Variants in FRMPD2 observed in about 807,000 individuals in gnomAD.
FRMPD2 encodes the protein FERM and PDZ domain containing 2.
In FRMPD2, 96 loss-of-function variants were observed where a neutral mutation model predicts 140.1. That is an observed-to-expected ratio of 0.69 (90% CI 0.58 to 0.81). The LOEUF (loss-of-function observed/expected upper bound fraction) is 0.81, where lower values mean the gene tolerates loss of function less well. Ranked by LOEUF, FRMPD2 falls within the 40% of genes least tolerant of loss-of-function variation. The pLI, the probability that FRMPD2 is intolerant of heterozygous loss-of-function variation, is 0.00. For synonymous variants in FRMPD2, 449 were observed against 547.6 expected (o/e 0.82, Z 2.52); for missense variants, 1,240 against 1,447.4 (o/e 0.86, Z 2.32).
chr10:48,251,783 T>C, intron 1 of FRMPD2, 92 bp from the exon 2 acceptor site: 1 of 1,470,850 alleles, frequency 6.8e-7, no homozygotes, highest in Non-Finnish European at 9.4e-7. Context: ...CCAGGCATGG[T>C]CTGGCCACTA....
At chr10:48,210,619 C>T (rs556206529) in intron 13 of FRMPD2, among the ~76,000 whole-genome samples, 2 of 152,326 alleles carry the variant, frequency 1.3e-5, no homozygotes, top group African/African-American at 4.8e-5. Flanking sequence ...CCCCACTGGT[C>T]CCTCATCAAG....
At chr10:48,238,998 C>G (rs1236849934) in intron 7 of FRMPD2, among the ~76,000 whole-genome samples, 1 of 152,028 alleles carries the variant, frequency 6.6e-6, no homozygotes, top group African/African-American at 2.4e-5. Context: ...TCCTCTTTCT[C>G]TCTGTCTCTC....
chr10:48,184,766 A>AG lies in FRMPD2; in HGVS notation c.2467+7dup. On this transcript the variant is annotated splice_region_variant and intron_variant, in intron 19 of 28. Transcript: ENST00000374201. ...AAACAGCATCTCTAGTAATTTAAAA[A>AG]GATGTACCTGGTTTGATCGTTTTTG... 3 of 1,606,890 alleles carry AG rather than the reference A, an allele frequency of 1.9e-6. No individual in the cohort carries two copies. The highest frequency in any genetic ancestry group is 2.6e-6 in the Non-Finnish European group (3 of 1,175,202).
chr10:48,271,847 C>T (rs919845834), intron 1 of FRMPD2, among the ~76,000 whole-genome samples: 6 of 152,196 alleles, frequency 3.9e-5, no homozygotes, highest in Non-Finnish European at 1.5e-5. Flanking sequence ...TGGATTGATC[C>T]CACCTCACCG....
chr10:48,212,536 C>T (rs1839353071), intron 12 of FRMPD2, among the ~76,000 whole-genome samples: 1 of 151,906 alleles, frequency 6.6e-6, no homozygotes, highest in Admixed American at 6.6e-5. Flanking sequence ...CACACCTTAC[C>T]AAAAGGCATA....
intron 13 of FRMPD2, among the ~76,000 whole-genome samples, chr10:48,211,413 C>T (rs1839320594): frequency 6.6e-6 from 1 of 152,218 alleles, no homozygotes; most frequent in African/African-American, 2.4e-5. Flanking sequence ...AAGCGCTGAT[C>T]TTGTACTTCT....
rs1235444545 is a variant in FRMPD2, at chr10:48,223,123, T to C, written c.1316A>G (p.Gln439Arg). 1 of 1,612,652 alleles carries C rather than the reference T, an allele frequency of 6.2e-7. No homozygotes were observed. The highest frequency in any genetic ancestry group is 8.5e-7 in the Non-Finnish European group (1 of 1,179,038). Reference sequence around the variant, plus strand: ...AAATGAACAGGTTTGCAGCACTCACTGGAGCAGCCCATAGTGGCTGACAAA... The same window carrying C: ...AAATGAACAGGTTTGCAGCACTCACCGGAGCAGCCCATAGTGGCTGACAAA... ...KFFVSHYGLLQHSLTRHQFYL... is the reference protein window; with the variant it reads ...KFFVSHYGLLRHSLTRHQFYL... Residue 439 changes from glutamine (Q) to arginine (R), a missense_variant and splice_region_variant, in exon 11 of 29, where the codon CAG becomes CGG. Coordinates refer to ENST00000374201, the MANE Select transcript of FRMPD2 (RefSeq NM_001018071.4).
At chr10:48,161,312 A>G (rs1220566471) in intron 28 of FRMPD2, among the ~76,000 whole-genome samples, 1 of 150,838 alleles carries the variant, frequency 6.6e-6, no homozygotes, top group Non-Finnish European at 1.5e-5. Flanking sequence ...GACATCTGGT[A>G]TACCCTTGCA....
rs373060544 is a variant in FRMPD2 at position 48,185,588 on chromosome 10, C to A, written c.2324G>T (p.Arg775Leu). The A allele has an allele frequency of 1.2e-6, 2 of 1,614,120 alleles. No homozygotes were observed. Among genetic ancestry groups the A allele is most frequent in the South Asian group, 2.2e-5 (2 of 91,082 alleles). The change falls in exon 18 of 29, where the codon CGT (arginine) becomes CTT (leucine). Residue 775 changes from arginine to leucine, a missense_variant. This residue lies in a region of FRMPD2 where 1,161 missense variants were observed against 1,055.9 expected (regional missense o/e 1.10). Transcript: ENST00000374201. ...ATGTGGGTCACGTTTCAGTGTCACACGTACAATTTCTCGGCCCGGTTCAGC... is the reference window on the plus strand; with the variant it reads ...ATGTGGGTCACGTTTCAGTGTCACAAGTACAATTTCTCGGCCCGGTTCAGC... The part of the protein sequence containing the change: ...FIAEPGREIV[R>L]VTLKRDPHRG...
chr10:48,211,240 C>T (rs576069565), intron 13 of FRMPD2, among the ~76,000 whole-genome samples: 17 of 152,340 alleles, frequency 1.1e-4, no homozygotes, highest in African/African-American at 3.8e-4. Context: ...ATTGTGTGTG[C>T]CCACACGGGG....
chr10:48,232,147 T>C lies in FRMPD2; in HGVS notation c.1136A>G (p.Glu379Gly), dbSNP rs1308880823. 6.2e-7 allele frequency: 1 copy of C among 1,614,190 alleles called. No individual in the cohort carries two copies. The highest frequency in any genetic ancestry group is 2.2e-5 in the East Asian group (1 of 44,878). Residue 379 changes from glutamate to glycine, a missense_variant, in exon 10 of 29, where the codon GAA (glutamate) becomes GGA (glycine). This residue lies in a region of FRMPD2 where 1,161 missense variants were observed against 1,055.9 expected (regional missense o/e 1.10). Transcript: ENST00000374201. ...ATACGCCAAGCCAAAGTAGGTGAGT[T>C]CCTCGAGGTTGGCAAAGGATGTCAC... ...NAVTSFANLE[E>G]LTYFGLAYMK...
chr10:48,200,849 C>T (rs1839068646), intron 15 of FRMPD2, among the ~76,000 whole-genome samples: 1 of 152,234 alleles, frequency 6.6e-6, no homozygotes, highest in Non-Finnish European at 1.5e-5. Context: ...CAAATGGTCA[C>T]TGTCATAAAT....
intron 14 of FRMPD2, among the ~76,000 whole-genome samples, chr10:48,205,203 A>G (rs991356757): frequency 6.6e-6 from 1 of 152,250 alleles, no homozygotes; most frequent in East Asian, 1.9e-4. Flanking sequence ...CCTTAAAAAT[A>G]AGTTATTCAT....
chr10:48,191,826 T>C (rs569652609), intron 16 of FRMPD2, among the ~76,000 whole-genome samples: 1 of 152,344 alleles, frequency 6.6e-6, no homozygotes, highest in Non-Finnish European at 1.5e-5. Flanking sequence ...GTTGCATTTA[T>C]AAGCCCACTA....
At chr10:48,182,372 T>C (rs12253028) in intron 20 of FRMPD2, among the ~76,000 whole-genome samples, 4,468 of 152,326 alleles carry the variant, frequency 0.029, 173 homozygotes, top group African/African-American at 0.089. Flanking sequence ...TCCTGCCTAG[T>C]AGACATATGA....
intron 1 of FRMPD2, among the ~76,000 whole-genome samples, chr10:48,265,636 T>C (rs192650551): frequency 2.3e-3 from 348 of 152,328 alleles, no homozygotes; most frequent in Non-Finnish European, 3.7e-3. Context: ...TCACTGATCA[T>C]TAGAGACATG....
intron 2 of FRMPD2, among the ~76,000 whole-genome samples, chr10:48,249,631 C>T (rs937622774): frequency 6.6e-6 from 1 of 152,174 alleles, no homozygotes; most frequent in Admixed American, 6.5e-5. Flanking sequence ...GGACCCATCG[C>T]CCTCACAGAA....
Position 48,189,414 on chromosome 10 carries a change from G to A in FRMPD2, c.2166-2122C>T, listed in dbSNP as rs569249872. ...AGGCAGGAGCTGTACCTCACGGCAG[G>A]CAGCCACTGGCACCACGTGCTGTGT... On this transcript the variant is annotated intron_variant, in intron 16 of 28. Transcript: ENST00000374201. Among the ~76,000 whole-genome samples the A allele has an allele frequency of 3.3e-3, 500 of 152,300 alleles. 2 individuals carry two copies. Among genetic ancestry groups the A allele is most frequent in the African/African-American group, 0.011 (472 of 41,570 alleles).
intron 3 of FRMPD2, 77 bp from the exon 4 acceptor site, chr10:48,244,926 A>G: frequency 9.2e-7 from 1 of 1,090,476 alleles, no homozygotes; most frequent in Non-Finnish European, 1.4e-6. Flanking sequence ...AATACAATCC[A>G]ATTTCCACAT....
Sources: allele counts gnomAD v4.1 joint callset (sites outside exome capture counted in the v4.1 genomes callset), GRCh38; gene constraint gnomAD v4.1.1; regional missense constraint gnomAD v4.1.1; transcripts MANE v1.5; gene names NCBI Gene and HGNC (gene_info 2026-07-23, HGNC 2026-07-21).